Variants in PELI2 observed in about 807,000 individuals in gnomAD.
PELI2 encodes the protein E3 ubiquitin-protein ligase pellino homolog 2.
In PELI2, 23 loss-of-function variants were observed where a neutral mutation model predicts 42.3. The ratio of observed to expected loss-of-function variants is 0.54; its 90% CI spans 0.39 to 0.77. PELI2 has a LOEUF of 0.77. PELI2 is among the 30% of genes least tolerant of loss of function. The probability of loss-of-function intolerance (pLI) is 0.00; values close to 1 mark genes in which losing one functional copy is unlikely to be tolerated. For missense variants in PELI2, 463 were observed against 553.2 expected, an observed-to-expected ratio of 0.84 and a Z score of 1.64; for synonymous variants, 245 against 212.2, an observed-to-expected ratio of 1.15 and a Z score of -1.34.
chr14:56,272,223 CAA>C (rs141957265), intron 2 of PELI2, among the ~76,000 whole-genome samples: 54 of 152,344 alleles, frequency 3.5e-4, no homozygotes, highest in African/African-American at 1.2e-3. Flanking sequence ...GATGTCTAGA[CAA>C]GAGGGATATT....
At chr14:56,204,478 C>CT (rs1566635696) in intron 2 of PELI2, among the ~76,000 whole-genome samples, 1 of 152,012 alleles carries the variant, frequency 6.6e-6, no homozygotes, top group Non-Finnish European at 1.5e-5. Context: ...GGACCATGGT[C>CT]TTTTTCTTGG....
intron 2 of PELI2, among the ~76,000 whole-genome samples, chr14:56,251,040 G>A (rs917764367): frequency 6.6e-6 from 1 of 152,182 alleles, no homozygotes; most frequent in Non-Finnish European, 1.5e-5. Flanking sequence ...GTTGAGCAGG[G>A]GCTCAGCCCT....
chr14:56,152,190 G>A lies in PELI2; in HGVS notation c.78-26145G>A, dbSNP rs186644002. ...GCCACATCTAGCTGCAAGGGAAACT[G>A]AGGGAGTTTCCTTCAGATGGACAGG... On this transcript the variant is annotated intron_variant, in intron 1 of 5. Transcript: ENST00000267460. 2.6e-3 allele frequency among the ~76,000 whole-genome samples: 391 copies of A among 152,330 alleles called. 3 individuals are homozygous for A. The highest frequency in any genetic ancestry group is 7.8e-3 in the African/African-American group (326 of 41,572).
intron 2 of PELI2, among the ~76,000 whole-genome samples, chr14:56,184,034 C>T (rs533341441): frequency 6.6e-6 from 1 of 152,074 alleles, no homozygotes; most frequent in South Asian, 2.1e-4. Context: ...GGAAATTTTA[C>T]ATTTATCTTG....
In PELI2 at chr14:56,202,997, C is replaced by CA. The variant is rs11315135; in HGVS notation, c.207+24542dup. ...ATCATCCCTTGGATCCTGAATTTTTCAAAAAAAAATGCTGTTAAAGTACAT... is the reference window on the plus strand; with the variant it reads ...ATCATCCCTTGGATCCTGAATTTTTCAAAAAAAAAATGCTGTTAAAGTACAT... On this transcript the variant is annotated intron_variant, in intron 2 of 5. Coordinates refer to ENST00000267460, the MANE Select transcript of PELI2 (RefSeq NM_021255.3). Among the ~76,000 whole-genome samples, 62 of 150,628 alleles carry CA rather than the reference C, an allele frequency of 4.1e-4. 1 individual carries two copies. The highest frequency in any genetic ancestry group is 1.7e-3 in the South Asian group (8 of 4,772).
intron 4 of PELI2, 100 bp from the exon 5 acceptor site, chr14:56,290,168 T>TCC: frequency 1.2e-6 from 1 of 833,326 alleles, no homozygotes; most frequent in Non-Finnish European, 1.8e-6. Flanking sequence ...ATCACCTTCC[T>TCC]CCCCTCTGCC....
chr14:56,235,573 G>T lies in PELI2; in HGVS notation c.208-44103G>T, dbSNP rs8181972. Among the ~76,000 whole-genome samples, 76 of 152,248 alleles carry T rather than the reference G, an allele frequency of 5.0e-4. No homozygotes were observed. In the East Asian group the frequency reaches 0.014, roughly 29 times the overall value. On this transcript the variant is annotated intron_variant, in intron 2 of 5. Transcript: ENST00000267460. ...AGTCTCAGACTGCCAGTGCTGCTGT[G>T]GTCACCTGTATGCAGGGGCTGGCCC...
intron 2 of PELI2, among the ~76,000 whole-genome samples, chr14:56,253,495 A>C (rs1435305449): frequency 6.6e-6 from 1 of 152,246 alleles, no homozygotes; most frequent in African/African-American, 2.4e-5. Flanking sequence ...AAGCAACTTC[A>C]GCAAAGTCTT....
intron 2 of PELI2, among the ~76,000 whole-genome samples, chr14:56,192,156 A>G (rs1594625377): frequency 6.6e-6 from 1 of 152,288 alleles, no homozygotes; most frequent in East Asian, 1.9e-4. Context: ...CACTTGGCCA[A>G]GATTTTTATT....
intron 5 of PELI2, among the ~76,000 whole-genome samples, chr14:56,291,909 G>A (rs1273342602): frequency 6.6e-6 from 1 of 152,194 alleles, no homozygotes; most frequent in East Asian, 1.9e-4. Flanking sequence ...GGAGAGCCTG[G>A]ACACCTAATA....
At chr14:56,136,712 T>C (rs1289018107) in intron 1 of PELI2, among the ~76,000 whole-genome samples, 1 of 152,204 alleles carries the variant, frequency 6.6e-6, no homozygotes, top group East Asian at 1.9e-4. Flanking sequence ...ACTCCTGCCA[T>C]GGGTCTCACT....
intron 1 of PELI2, among the ~76,000 whole-genome samples, chr14:56,147,586 T>A (rs1463999673): frequency 6.6e-6 from 1 of 152,210 alleles, no homozygotes; most frequent in Non-Finnish European, 1.5e-5. Flanking sequence ...AGTTTAATGT[T>A]TATATTAATT....
chr14:56,131,187 A>G (rs1286796064), intron 1 of PELI2, among the ~76,000 whole-genome samples: 2 of 152,238 alleles, frequency 1.3e-5, no homozygotes, highest in African/African-American at 4.8e-5. Context: ...GCATAGTCCA[A>G]CAGCAGTCCA....
intron 2 of PELI2, among the ~76,000 whole-genome samples, chr14:56,266,889 A>G (rs1010887958): frequency 6.6e-6 from 1 of 152,154 alleles, no homozygotes; most frequent in Non-Finnish European, 1.5e-5. Flanking sequence ...TACATTAAAA[A>G]GAATGAGACA....
At chr14:56,295,280 C>T (rs1889961009) in intron 5 of PELI2, among the ~76,000 whole-genome samples, 1 of 152,060 alleles carries the variant, frequency 6.6e-6, no homozygotes, top group South Asian at 2.1e-4. Context: ...TTATAGTTAC[C>T]TAAACCCCCT....
intron 1 of PELI2, among the ~76,000 whole-genome samples, chr14:56,128,543 T>C (rs572194157): frequency 6.6e-6 from 1 of 152,194 alleles, no homozygotes; most frequent in Non-Finnish European, 1.5e-5. Context: ...TGCTGGGAGA[T>C]TGGGAAAGAT....
At chr14:56,202,190 A>G (rs1171375471) in intron 2 of PELI2, among the ~76,000 whole-genome samples, 1 of 152,128 alleles carries the variant, frequency 6.6e-6, no homozygotes, top group Non-Finnish European at 1.5e-5. Flanking sequence ...AAAATACTTC[A>G]TTGTTTTCAC....
intron 2 of PELI2, among the ~76,000 whole-genome samples, chr14:56,186,876 T>C (rs778375981): frequency 6.6e-6 from 1 of 152,240 alleles, no homozygotes; most frequent in Non-Finnish European, 1.5e-5. Flanking sequence ...AGAATAGTTC[T>C]ATCTGCATTT....
At position 56,201,854 on chromosome 14, in the gene PELI2, A is replaced by G. The variant is rs112519312; in HGVS notation, c.207+23390A>G. On this transcript the variant is annotated intron_variant, in intron 2 of 5. Transcript: ENST00000267460. ...TGGCTCAAATCATTTTAAAGTTAAA[A>G]TAGGCTTCTTAACCACAGACTTACA... Among the ~76,000 whole-genome samples the G allele has an allele frequency of 5.6e-4, 86 of 152,372 alleles. 2 individuals are homozygous for G. The highest frequency in any genetic ancestry group is 2.0e-3 in the African/African-American group (84 of 41,582).
Sources: allele counts gnomAD v4.1 joint callset (sites outside exome capture counted in the v4.1 genomes callset), GRCh38; gene constraint gnomAD v4.1.1; transcripts MANE v1.5; gene names NCBI Gene and HGNC (gene_info 2026-07-23, HGNC 2026-07-21).